Variants in NFKBIZ observed in about 807,000 individuals in gnomAD.
NFKBIZ encodes the protein NF-kappa-B inhibitor zeta.
NFKBIZ carries 19 observed loss-of-function variants against 76.8 expected under a neutral mutation model. That is an observed-to-expected ratio of 0.25 (90% CI 0.17 to 0.36). NFKBIZ has a LOEUF of 0.36. Ranked by LOEUF, NFKBIZ falls within the 10% of genes least tolerant of loss-of-function variation. The probability of loss-of-function intolerance (pLI) is 1.00; values close to 1 mark genes in which losing one functional copy is unlikely to be tolerated. For missense variants in NFKBIZ, 829 were observed against 910.9 expected (o/e 0.91, Z 1.16); for synonymous variants, 368 against 354.8 (o/e 1.04, Z -0.42).
At position 101,843,097 on chromosome 3, in the gene NFKBIZ, C is replaced by T. The variant is rs1006508664; in HGVS notation, c.-11-8988C>T. On this transcript the variant is annotated intron_variant, in intron 2 of 12. Coordinates refer to the NFKBIZ transcript ENST00000394054. Reference sequence around the variant, plus strand: ...ACATCTTTGCAAATTTCTTAACATCCGGTTTTACAGAAGACAGATTTTCAT... The same window carrying T: ...ACATCTTTGCAAATTTCTTAACATCTGGTTTTACAGAAGACAGATTTTCAT... 8.1e-5 allele frequency among the ~76,000 whole-genome samples: 12 copies of T among 148,576 alleles called. 1 individual carries two copies. The highest frequency in any genetic ancestry group is 1.2e-4 in the Non-Finnish European group (8 of 67,642).
Position 101,852,107 on chromosome 3 carries a change from C to T in NFKBIZ, c.312C>T (p.Gly104=). Residue 104 remains glycine (G), a synonymous_variant, in exon 2 of 12, where the codon GGC becomes GGT. Coordinates refer to ENST00000326172, the MANE Select transcript of NFKBIZ (RefSeq NM_031419.4). The part of the protein sequence containing the change: ...RQPVEPHMGV[G]RQQRGPFQGV... Reference sequence around the variant, plus strand: ...CAGTTGAGCCCCATATGGGGGTTGGCAGGCAGCAGAGAGGCCCCTTTCAAG... The same window carrying T: ...CAGTTGAGCCCCATATGGGGGTTGGTAGGCAGCAGAGAGGCCCCTTTCAAG... 2 of 1,614,174 alleles carry T rather than the reference C, an allele frequency of 1.2e-6. No individual in the cohort carries two copies. Among genetic ancestry groups the T allele is most frequent in the Non-Finnish European group, 1.7e-6 (2 of 1,180,008 alleles).
Position 101,849,519 on chromosome 3 carries a change from G to A in NFKBIZ, c.-110G>A, listed in dbSNP as rs1320470104. 5 of 987,688 alleles carry A rather than the reference G, an allele frequency of 5.1e-6. No homozygotes were observed. The highest frequency in any genetic ancestry group is 6.6e-6 in the Non-Finnish European group (5 of 754,326). The allele number at this position is 987,688 out of a possible 1,614,324, so 61.2% of individuals were successfully genotyped here. On this transcript the variant is annotated 5_prime_UTR_variant, in exon 1 of 12. Coordinates refer to ENST00000326172, the MANE Select transcript of NFKBIZ (RefSeq NM_031419.4). ...GGCAGTCCCGCGCCGCGCCCGTACTGGCCCGCGCCGTCCGCCCGCCGACAG... is the reference window on the plus strand; with the variant it reads ...GGCAGTCCCGCGCCGCGCCCGTACTAGCCCGCGCCGTCCGCCCGCCGACAG...
chr3:101,842,470 G>A (rs1199568659), intron 2 of NFKBIZ, among the ~76,000 whole-genome samples: 1 of 152,054 alleles, frequency 6.6e-6, no homozygotes, highest in Non-Finnish European at 1.5e-5. Context: ...GTGGCCCATG[G>A]GCTGCATGTG....
rs764436958 is a variant in NFKBIZ at position 101,855,074 on chromosome 3, G to T, written c.1456G>T (p.Val486Leu). 1.9e-6 allele frequency: 3 copies of T among 1,607,778 alleles called. No individual in the cohort carries two copies. The highest frequency in any genetic ancestry group is 2.7e-5 in the African/African-American group (2 of 74,528). The change falls in exon 7 of 12, where the codon GTG becomes TTG. Residue 486 changes from valine (V) to leucine (L), a missense_variant. By Grantham distance (32) the Val-to-Leu change is conservative. This residue lies in a region of NFKBIZ where 272 missense variants were observed against 384.2 expected (regional missense o/e 0.71). Transcript: ENST00000326172. ...KEHNGQSAFQVAVAANQHLIV... is the reference protein window; with the variant it reads ...KEHNGQSAFQLAVAANQHLIV... ...TGGATATCCACAGAGTGCCTTTCAG[G>T]TGGCAGTGGCTGCCAATCAGCATCT...
intron 1 of NFKBIZ, 149 bp from the exon 2 acceptor site, chr3:101,851,936 C>T: frequency 1.2e-6 from 1 of 824,276 alleles, no homozygotes. Flanking sequence ...CTCACAAGGC[C>T]ATTGATTGAC....
chr3:101,833,127 A>G (rs1942669205), intron 2 of NFKBIZ, among the ~76,000 whole-genome samples: 1 of 152,192 alleles, frequency 6.6e-6, no homozygotes, highest in South Asian at 2.1e-4. Context: ...TATGAGAATC[A>G]TTGAGGTAAT....
At chr3:101,856,975 G>A in intron 9 of NFKBIZ, 98 bp from the exon 10 acceptor site, 4 of 832,846 alleles carry the variant, frequency 4.8e-6, no homozygotes, top group Non-Finnish European at 7.7e-6. Flanking sequence ...AGTCTCTGAA[G>A]CTGAATCAGA....
intron 2 of NFKBIZ, among the ~76,000 whole-genome samples, chr3:101,841,579 C>T (rs767534923): frequency 6.6e-6 from 1 of 152,180 alleles, no homozygotes; most frequent in African/African-American, 2.4e-5. Context: ...ATTTACTCAT[C>T]TGCATTAGAA....
Position 101,857,456 on chromosome 3 carries a change from A to G in NFKBIZ, c.2100A>G (p.Glu700=). The G allele has an allele frequency of 6.2e-7, 1 of 1,614,082 alleles. No homozygotes were observed. The highest frequency in any genetic ancestry group is 8.5e-7 in the Non-Finnish European group (1 of 1,180,038). Residue 700 remains glutamate (E), a synonymous_variant, in exon 11 of 12, where the codon GAA becomes GAG. Coordinates refer to ENST00000326172, the MANE Select transcript of NFKBIZ (RefSeq NM_031419.4). The part of the protein sequence containing the change: ...VHLVPDGPVG[E]QIRRILKGKS... Reference sequence around the variant, plus strand: ...TGGTTCCCGATGGCCCTGTGGGAGAACAGGTGAGAGGCACAGGAGGGAGAG... The same window carrying G: ...TGGTTCCCGATGGCCCTGTGGGAGAGCAGGTGAGAGGCACAGGAGGGAGAG...
At chr3:101,854,405 A>G (rs1019873768) in intron 5 of NFKBIZ, among the ~76,000 whole-genome samples, 173 bp from the exon 6 acceptor site, 1 of 152,180 alleles carries the variant, frequency 6.6e-6, no homozygotes. Flanking sequence ...ATCCTGTTCC[A>G]ACTGGGGTGT....
At chr3:101,832,680 G>T (rs1942662373) in intron 2 of NFKBIZ, among the ~76,000 whole-genome samples, 1 of 152,194 alleles carries the variant, frequency 6.6e-6, no homozygotes. Flanking sequence ...TCCAGCGTGT[G>T]TGTAGGTGTG....
chr3:101,843,035 A>C (rs1379874169), intron 2 of NFKBIZ, among the ~76,000 whole-genome samples: 1 of 148,060 alleles, frequency 6.8e-6, no homozygotes, highest in Non-Finnish European at 1.5e-5. Context: ...AAAAAAAAAA[A>C]AAAAAAAAAA....
intron 2 of NFKBIZ, 44 bp from the exon 3 acceptor site, chr3:101,852,694 A>T: frequency 7.2e-7 from 1 of 1,382,788 alleles, no homozygotes; most frequent in African/African-American, 1.4e-5. Context: ...TATTAAGAGG[A>T]AGTCATTTTG....
chr3:101,835,542 T>A (rs1942708429), intron 2 of NFKBIZ, among the ~76,000 whole-genome samples: 1 of 152,184 alleles, frequency 6.6e-6, no homozygotes, highest in Admixed American at 6.5e-5. Flanking sequence ...CTCCGAGGCC[T>A]CTCTCCTGAC....
chr3:101,842,592 C>CT (rs573749526), intron 2 of NFKBIZ, among the ~76,000 whole-genome samples: 2,456 of 130,298 alleles, frequency 0.019, 22 homozygotes, highest in African/African-American at 0.028. Flanking sequence ...CTTTTCTTTT[C>CT]TTTTTTTTTT....
At chr3:101,830,783 A>G (rs558655641) in intron 2 of NFKBIZ, among the ~76,000 whole-genome samples, 1 of 152,274 alleles carries the variant, frequency 6.6e-6, no homozygotes, top group Admixed American at 6.5e-5. Context: ...GCTGCAGTGA[A>G]CATACAGGTG....
rs892428579 is a variant in NFKBIZ at position 101,854,748 on chromosome 3, C to T, written c.1443+65C>T. 4.5e-6 allele frequency: 5 copies of T among 1,112,532 alleles called. No individual in the cohort carries two copies. The African/African-American group carries it at 6.2e-5, about 14-fold the overall frequency. The allele number at this position is 1,112,532 out of a possible 1,614,324, so 68.9% of individuals were successfully genotyped here. A position where few individuals can be genotyped will look rare whatever the true frequency, so the allele number is the denominator to read the frequency against. ...TCATGGTGAAGTGAATGATGACCAG[C>T]CTTATGTGTAGATCATCTTAGAGCT... On this transcript the variant is annotated intron_variant, in intron 6 of 11. Transcript: ENST00000326172.
At chr3:101,855,584 A>G (rs1163462631) in intron 8 of NFKBIZ, 126 bp downstream of exon 8, 1 of 1,253,116 alleles carries the variant, frequency 8.0e-7, no homozygotes, top group African/African-American at 1.5e-5. Context: ...ATTAGACCCA[A>G]AAAGAGACAA....
At chr3:101,828,053 T>C (rs1339763039) in exon 1 of NFKBIZ, 1 of 152,220 alleles carries the variant, frequency 6.6e-6, no homozygotes, top group African/African-American at 2.4e-5. Context: ...CTGCTGCTTA[T>C]CATGTAACCT....
Sources: gnomAD v4.1 joint callset for allele counts (sites outside exome capture counted in the v4.1 genomes callset) on GRCh38, gnomAD v4.1.1 for gene constraint, gnomAD v4.1.1 regional missense constraint, MANE v1.5 for transcripts, NCBI Gene and HGNC (gene_info 2026-07-23, HGNC 2026-07-21) for gene names.